Variants in GRM7 observed in about 807,000 individuals in gnomAD.
GRM7 encodes metabotropic glutamate receptor 7.
In GRM7, 35 loss-of-function variants were observed where a neutral mutation model predicts 84.5. That is an observed-to-expected ratio of 0.41 (90% confidence interval 0.32 to 0.55). The LOEUF (loss-of-function observed/expected upper bound fraction) is 0.55. Among genes scored for constraint, GRM7 ranks in the 20% least tolerant of loss-of-function variants. The pLI, the probability that GRM7 is intolerant of heterozygous loss-of-function variation, is 0.19. For synonymous variants in GRM7, 487 were observed against 455.1 expected, an observed-to-expected ratio of 1.07 and a Z score of -0.89; for missense variants, 1,003 against 1,194.6, an observed-to-expected ratio of 0.84 and a Z score of 2.36.
At chr3:7,587,978 G>C (rs931867876) in intron 8 of GRM7, among the ~76,000 whole-genome samples, 2 of 152,032 alleles carry the variant, frequency 1.3e-5, no homozygotes, top group Admixed American at 6.6e-5. Context: ...CTGCTTCGTG[G>C]GATGTTTGGT....
rs1003481782 is a variant in GRM7, at chr3:7,536,736, G to A, written c.1516-41686G>A. On this transcript the variant is annotated intron_variant, in intron 7 of 9. Coordinates refer to ENST00000357716, the MANE Select transcript of GRM7 (RefSeq NM_000844.4). ...GCCTCCTGCCCACAGCCTTGAGTCA[G>A]TGATCTTGGAAGTGGATCCTTCAGC... Among the ~76,000 whole-genome samples the A allele has an allele frequency of 1.5e-4, 23 of 152,196 alleles. 1 individual carries two copies.
At chr3:7,171,698 G>A (rs545662855) in intron 2 of GRM7, among the ~76,000 whole-genome samples, 1 of 152,168 alleles carries the variant, frequency 6.6e-6, no homozygotes, top group Non-Finnish European at 1.5e-5. Context: ...CTACACACCT[G>A]CCTAAGTTGT....
chr3:7,416,538 C>T (rs1026853916), intron 5 of GRM7, among the ~76,000 whole-genome samples: 1 of 152,070 alleles, frequency 6.6e-6, no homozygotes, highest in Non-Finnish European at 1.5e-5. Context: ...TCAGGAACAC[C>T]ATGAAGTCTT....
intron 8 of GRM7, among the ~76,000 whole-genome samples, chr3:7,627,664 C>G (rs1697676275): frequency 1.3e-5 from 2 of 152,120 alleles, no homozygotes; most frequent in Admixed American, 6.5e-5. Context: ...GTATTACGAA[C>G]TGGGTGGTGG....
intron 2 of GRM7, among the ~76,000 whole-genome samples, chr3:7,179,316 CA>C (rs1695260030): frequency 6.6e-6 from 1 of 152,186 alleles, no homozygotes; most frequent in Non-Finnish European, 1.5e-5. Flanking sequence ...GTCCCCCTCC[CA>C]ATCATTTCTG....
chr3:7,211,824 C>T (rs1696439580), intron 2 of GRM7, among the ~76,000 whole-genome samples: 1 of 152,100 alleles, frequency 6.6e-6, no homozygotes, highest in South Asian at 2.1e-4. Flanking sequence ...GCTCTTTTTC[C>T]TGACCCCTCT....
At chr3:7,312,148 G>T (rs1174642979) in intron 4 of GRM7, among the ~76,000 whole-genome samples, 7 of 152,116 alleles carry the variant, frequency 4.6e-5, no homozygotes, top group African/African-American at 1.4e-4. Flanking sequence ...TAGCATTTAG[G>T]ACACTAGGAG....
chr3:7,643,814 G>C (rs1458441332), intron 8 of GRM7, among the ~76,000 whole-genome samples: 2 of 152,086 alleles, frequency 1.3e-5, no homozygotes, highest in African/African-American at 4.8e-5. Flanking sequence ...GGAGAGAAAG[G>C]AGGATATTTC....
At chr3:7,250,622 C>A (rs971454609) in intron 2 of GRM7, among the ~76,000 whole-genome samples, 1 of 145,638 alleles carries the variant, frequency 6.9e-6, no homozygotes, top group African/African-American at 2.5e-5. Flanking sequence ...CTCCTGGGTT[C>A]GAGCAATTTT....
chr3:7,317,787 A>C (rs1419174955), intron 4 of GRM7, among the ~76,000 whole-genome samples: 4 of 152,046 alleles, frequency 2.6e-5, no homozygotes, highest in Non-Finnish European at 5.9e-5. Flanking sequence ...TGTGCAAGGT[A>C]GACAAAAAGA....
At chr3:6,938,340 A>G (rs1350958878) in intron 1 of GRM7, among the ~76,000 whole-genome samples, 1 of 152,172 alleles carries the variant, frequency 6.6e-6, no homozygotes, top group African/African-American at 2.4e-5. Flanking sequence ...GTGGCTTTCC[A>G]GAAGTATTAC....
chr3:6,913,201 G>C (rs1184334845), intron 1 of GRM7, among the ~76,000 whole-genome samples: 2 of 152,110 alleles, frequency 1.3e-5, no homozygotes, highest in African/African-American at 4.8e-5. Flanking sequence ...ATTTAGCAAT[G>C]GCTTCGTGTA....
At chr3:7,561,672 G>A in intron 7 of GRM7, 2 of 396,608 alleles carry the variant, frequency 5.0e-6, no homozygotes, top group Non-Finnish European at 1.0e-5. Context: ...CACTCTATTT[G>A]TCTAATTCTC....
chr3:7,258,334 T>G (rs1002889691), intron 2 of GRM7, among the ~76,000 whole-genome samples: 6 of 152,192 alleles, frequency 3.9e-5, no homozygotes, highest in African/African-American at 1.2e-4. Flanking sequence ...GTCTATGGAA[T>G]GGGTGATCAA....
chr3:7,228,488 GGCTTAA>G (rs1697056229), intron 2 of GRM7, among the ~76,000 whole-genome samples: 3 of 152,160 alleles, frequency 2.0e-5, no homozygotes, highest in Admixed American at 2.0e-4. Flanking sequence ...CTTGGGTCCT[GGCTTAA>G]GGAACCTTTG....
intron 9 of GRM7, among the ~76,000 whole-genome samples, chr3:7,688,911 T>G (rs1700687795): frequency 6.6e-6 from 1 of 152,192 alleles, no homozygotes; most frequent in Admixed American, 6.5e-5. Flanking sequence ...TGCCACTGTT[T>G]AAAAGCACTC....
intron 2 of GRM7, among the ~76,000 whole-genome samples, chr3:7,265,997 A>G (rs1698622380): frequency 1.3e-5 from 2 of 152,150 alleles, no homozygotes; most frequent in South Asian, 4.1e-4. Context: ...GGGCACAGGC[A>G]GTGTCTTAAT....
chr3:7,185,233 C>G (rs1436791099), intron 2 of GRM7, among the ~76,000 whole-genome samples: 1 of 152,130 alleles, frequency 6.6e-6, no homozygotes, highest in Non-Finnish European at 1.5e-5. Context: ...TCACCTCTTC[C>G]AAAATAGACC....
At chr3:7,251,703 C>T (rs1575082388) in intron 2 of GRM7, among the ~76,000 whole-genome samples, 1 of 152,230 alleles carries the variant, frequency 6.6e-6, no homozygotes, top group Non-Finnish European at 1.5e-5. Flanking sequence ...CAGTTCAGTT[C>T]CAAGATATTC....
Sources: gnomAD v4.1 joint callset for allele counts (sites outside exome capture counted in the v4.1 genomes callset) on GRCh38, gnomAD v4.1.1 for gene constraint, MANE v1.5 for transcripts, NCBI Gene and HGNC (gene_info 2026-07-23, HGNC 2026-07-21) for gene names.